Variants in CPEB3 observed in about 807,000 individuals in gnomAD.
CPEB3 encodes cytoplasmic polyadenylation element-binding protein 3.
Under a neutral mutation model 67.2 loss-of-function variants are expected in CPEB3, and 20 were observed. That is an observed-to-expected ratio of 0.30 (90% CI 0.21 to 0.43). The LOEUF (loss-of-function observed/expected upper bound fraction) is 0.43, where lower values mean the gene tolerates loss of function less well. Among genes scored for constraint, CPEB3 ranks in the 20% least tolerant of loss-of-function variants. The pLI, the probability that CPEB3 is intolerant of heterozygous loss-of-function variation, is 1.00. For synonymous variants in CPEB3, 376 were observed against 393.1 expected (o/e 0.96, Z 0.51); for missense variants, 746 against 968.6 (o/e 0.77, Z 3.05).
intron 2 of CPEB3, among the ~76,000 whole-genome samples, chr10:92,225,527 A>AAAC (rs1850928612): frequency 6.6e-6 from 1 of 152,116 alleles, no homozygotes; most frequent in Non-Finnish European, 1.5e-5. Flanking sequence ...AAAACAAAAA[A>AAAC]AACAACAAAA....
chr10:92,274,254 A>C (rs568924605), intron 1 of CPEB3, among the ~76,000 whole-genome samples: 3 of 152,326 alleles, frequency 2.0e-5, no homozygotes, highest in African/African-American at 4.8e-5. Context: ...AGTAGATGCC[A>C]AACAAGTGCT....
rs117270996 is a variant in CPEB3 at position 92,192,695 on chromosome 10, T to G, written c.1006-59A>C. On this transcript the variant is annotated intron_variant, in intron 2 of 9. Transcript: ENST00000265997. ...AAATTACTTCATAAAATTAACACCA[T>G]ATCATTTGCTTCCTGCTGTGGATTG... 12,143 of 1,314,540 alleles carry G rather than the reference T, an allele frequency of 9.2e-3. 109 individuals are homozygous for G. Among genetic ancestry groups the G allele is most frequent in the Middle Eastern group, 0.019 (91 of 4,688 alleles). 81.4% of individuals were successfully genotyped at this position (1,314,540 alleles called of 1,614,324 possible).
chr10:92,084,772 G>T (rs892119339), intron 8 of CPEB3, among the ~76,000 whole-genome samples: 1 of 152,006 alleles, frequency 6.6e-6, no homozygotes, highest in Non-Finnish European at 1.5e-5. Flanking sequence ...GTAGAGACTG[G>T]GTTTCACCGT....
At chr10:92,245,322 G>C (rs961980169) in intron 1 of CPEB3, among the ~76,000 whole-genome samples, 5 of 151,790 alleles carry the variant, frequency 3.3e-5, no homozygotes, top group African/African-American at 1.2e-4. Flanking sequence ...ATTTTTAGTA[G>C]AGACAAGGTT....
intron 2 of CPEB3, among the ~76,000 whole-genome samples, chr10:92,227,871 G>A (rs948170109): frequency 4.0e-5 from 6 of 150,698 alleles, no homozygotes; most frequent in South Asian, 4.2e-4. Flanking sequence ...GATTACAGGC[G>A]TGAGCCACCG....
At chr10:92,155,770 T>C (rs1486958108) in intron 4 of CPEB3, among the ~76,000 whole-genome samples, 3 of 152,178 alleles carry the variant, frequency 2.0e-5, no homozygotes, top group African/African-American at 7.2e-5. Flanking sequence ...AAATATTTAG[T>C]GTAGCACCTC....
At chr10:92,240,490 T>C (rs1017829096) in intron 1 of CPEB3, 129 bp from the exon 2 acceptor site, 2 of 873,162 alleles carry the variant, frequency 2.3e-6, no homozygotes, top group South Asian at 2.4e-5. Flanking sequence ...TGCAAATCCA[T>C]AATCTCCCAT....
rs770947312 is a variant in CPEB3, at chr10:92,081,361, C to T, written c.1828G>A (p.Ala610Thr). 3.1e-6 allele frequency: 5 copies of T among 1,614,192 alleles called. No individual in the cohort carries two copies. Among genetic ancestry groups the T allele is most frequent in the Non-Finnish European group, 4.2e-6 (5 of 1,180,024 alleles). ...NQQSYIAAISARFVQLQHNDI... is the reference protein window; with the variant it reads ...NQQSYIAAISTRFVQLQHNDI... ...TTGTGCTGAAGCTGCACAAAACGAG[C>T]GCTGATGGCTGCAATGTAACTCTGC... Residue 610 changes from alanine (A) to threonine (T), a missense_variant, in exon 9 of 10, where the codon GCT becomes ACT. By Grantham distance (58) the Ala-to-Thr change is moderately conservative. Coordinates refer to ENST00000265997, the MANE Select transcript of CPEB3 (RefSeq NM_014912.5).
chr10:92,222,569 C>T (rs1306238624), intron 2 of CPEB3, among the ~76,000 whole-genome samples: 1 of 152,150 alleles, frequency 6.6e-6, no homozygotes, highest in Non-Finnish European at 1.5e-5. Context: ...TAAGAGATGT[C>T]TATGTTTTAA....
intron 9 of CPEB3, among the ~76,000 whole-genome samples, chr10:92,063,326 A>G (rs1340823265): frequency 6.6e-6 from 1 of 152,224 alleles, no homozygotes; most frequent in African/African-American, 2.4e-5. Context: ...ATTCCTTCTC[A>G]GACCTCAAAA....
intron 6 of CPEB3, among the ~76,000 whole-genome samples, chr10:92,113,950 TA>T (rs1288500723): frequency 6.6e-6 from 1 of 152,224 alleles, no homozygotes; most frequent in African/African-American, 2.4e-5. Context: ...AAATGGTCCA[TA>T]ACAGTTTACC....
chr10:92,096,441 TGTGTGAGAAAGAAG>T (rs1843884642), intron 7 of CPEB3, among the ~76,000 whole-genome samples: 1 of 152,024 alleles, frequency 6.6e-6, no homozygotes, highest in African/African-American at 2.4e-5. Context: ...TCTGTGACTG[TGTGTGAGAAAGAAG>T]GTGTGTGAGT....
chr10:92,116,914 A>G (rs528184548), intron 6 of CPEB3, among the ~76,000 whole-genome samples: 1 of 152,254 alleles, frequency 6.6e-6, no homozygotes, highest in African/African-American at 2.4e-5. Context: ...TAAATTGATC[A>G]ATGCAATTTT....
chr10:92,078,923 C>T (rs982184716), intron 9 of CPEB3, among the ~76,000 whole-genome samples: 2 of 152,160 alleles, frequency 1.3e-5, no homozygotes, highest in African/African-American at 4.8e-5. Flanking sequence ...ATATCTCCCT[C>T]TACTAAGAAA....
At chr10:92,083,969 G>T (rs1374143761) in intron 8 of CPEB3, among the ~76,000 whole-genome samples, 3 of 152,080 alleles carry the variant, frequency 2.0e-5, no homozygotes, top group Admixed American at 2.0e-4. Flanking sequence ...GGATCTTGAG[G>T]TCAGGAGATG....
At chr10:92,071,023 A>G (rs1316875362) in intron 9 of CPEB3, among the ~76,000 whole-genome samples, 1 of 151,808 alleles carries the variant, frequency 6.6e-6, no homozygotes, top group Non-Finnish European at 1.5e-5. Context: ...TATCAGTGCT[A>G]TCGTATATTG....
chr10:92,118,898 GC>G, intron 6 of CPEB3: 1 of 913,788 alleles, frequency 1.1e-6, no homozygotes, highest in Non-Finnish European at 1.8e-6. Flanking sequence ...GAGGGCAGGG[GC>G]CTCTCTTTTT....
At chr10:92,253,480 A>AAAAAAAAAAAAAAG (rs1564910662) in intron 1 of CPEB3, among the ~76,000 whole-genome samples, 1 of 150,130 alleles carries the variant, frequency 6.7e-6, no homozygotes, top group African/African-American at 2.5e-5. Context: ...AAAAAAAAAA[A>AAAAAAAAAAAAAAG]AAAAGAAAAG....
At chr10:92,227,613 G>C (rs1225806517) in intron 2 of CPEB3, among the ~76,000 whole-genome samples, 3 of 147,298 alleles carry the variant, frequency 2.0e-5, no homozygotes, top group Non-Finnish European at 4.5e-5. Context: ...TTTTTTTTGA[G>C]ACGGAGTCTC....
Sources: allele counts gnomAD v4.1 joint callset (sites outside exome capture counted in the v4.1 genomes callset), GRCh38; gene constraint gnomAD v4.1.1; transcripts MANE v1.5; gene names NCBI Gene and HGNC (gene_info 2026-07-23, HGNC 2026-07-21).